MUC13: variants seen among roughly 807,000 people sequenced by gnomAD.
The protein encoded by MUC13 is mucin-13.
In MUC13, 32 loss-of-function variants were observed where a neutral mutation model predicts 48.3. The observed-to-expected ratio is 0.66, with a 90% CI of 0.50 to 0.89. The LOEUF (loss-of-function observed/expected upper bound fraction) is 0.89, where lower values mean the gene tolerates loss of function less well. Among genes scored for constraint, MUC13 ranks in the 40% least tolerant of loss-of-function variants. The probability of loss-of-function intolerance (pLI) is 0.00; values close to 1 mark genes in which losing one functional copy is unlikely to be tolerated. For synonymous variants in MUC13, 199 were observed against 224.9 expected, an observed-to-expected ratio of 0.88 and a Z score of 1.03; for missense variants, 571 against 622.8, an observed-to-expected ratio of 0.92 and a Z score of 0.88.
chr3:124,929,268 C>G (rs1032145068), intron 1 of MUC13, among the ~76,000 whole-genome samples: 14 of 151,618 alleles, frequency 9.2e-5, no homozygotes, highest in African/African-American at 2.9e-4. Context: ...GCTGAAACTC[C>G]TGGGCTCAAG....
chr3:124,914,715 T>C (rs1359533782), intron 6 of MUC13, among the ~76,000 whole-genome samples: 1 of 151,996 alleles, frequency 6.6e-6, no homozygotes, highest in Non-Finnish European at 1.5e-5. Flanking sequence ...TCACCTGAGG[T>C]CAGGAGTTCG....
intron 5 of MUC13, among the ~76,000 whole-genome samples, chr3:124,917,455 T>C (rs1337218534): frequency 6.6e-6 from 1 of 151,796 alleles, no homozygotes; most frequent in African/African-American, 2.4e-5. Flanking sequence ...CAGCTTATCC[T>C]GCCGCCTCAG....
intron 6 of MUC13, among the ~76,000 whole-genome samples, chr3:124,914,550 C>T (rs1451479550): frequency 6.6e-6 from 1 of 152,192 alleles, no homozygotes; most frequent in Non-Finnish European, 1.5e-5. Flanking sequence ...GAAAATGCCT[C>T]TGATTAAAAG....
intron 1 of MUC13, 45 bp from the exon 2 acceptor site, chr3:124,928,038 T>C (rs779008429): frequency 4.5e-6 from 6 of 1,320,640 alleles, no homozygotes; most frequent in Non-Finnish European, 6.2e-6. Flanking sequence ...GTACATTGAA[T>C]AACTAATGGC....
chr3:124,913,865 C>T (rs1344718926), intron 6 of MUC13, among the ~76,000 whole-genome samples, 184 bp from the exon 7 acceptor site: 1 of 152,018 alleles, frequency 6.6e-6, no homozygotes, highest in Non-Finnish European at 1.5e-5. Context: ...TCGTTTGAGC[C>T]TAGGAGTTCA....
At chr3:124,923,992 G>A (rs775487506) in intron 2 of MUC13, among the ~76,000 whole-genome samples, 3 of 152,090 alleles carry the variant, frequency 2.0e-5, no homozygotes, top group Non-Finnish European at 4.4e-5. Flanking sequence ...TTGAAGCATG[G>A]TCCTCTAACA....
rs1311214775 is a variant in MUC13, at chr3:124,920,028, G to T, written c.800+206C>A. The T allele has an allele frequency of 1.1e-5, 7 of 615,084 alleles. No individual in the cohort carries two copies. In the Admixed American group the frequency reaches 2.3e-4, roughly 21 times the overall value. 38.1% of individuals were successfully genotyped at this position (615,084 alleles called of 1,614,324 possible). ...CACAGACAGAATTTTGCCTTCCCCA[G>T]GCCATGCCCTGCCCAGAGTTGGGGT... On this transcript the variant is annotated intron_variant, in intron 5 of 11. Coordinates refer to ENST00000616727, the MANE Select transcript of MUC13 (RefSeq NM_033049.4).
intron 2 of MUC13, among the ~76,000 whole-genome samples, chr3:124,925,706 C>T (rs1935674233): frequency 6.6e-6 from 1 of 152,212 alleles, no homozygotes; most frequent in Admixed American, 6.5e-5. Context: ...CTCTGCCTCC[C>T]AGGCTTGAGT....
intron 10 of MUC13, among the ~76,000 whole-genome samples, chr3:124,909,723 A>G (rs1039250308): frequency 2.0e-5 from 3 of 152,300 alleles, no homozygotes; most frequent in Non-Finnish European, 4.4e-5. Flanking sequence ...CAGGGGGTTC[A>G]GTTGAGGTTG....
At position 124,913,487 on chromosome 3, in the gene MUC13, G is replaced by A. The variant is rs987674756; in HGVS notation, c.1084+75C>T. On this transcript the variant is annotated intron_variant, in intron 7 of 11. Coordinates refer to ENST00000616727, the MANE Select transcript of MUC13 (RefSeq NM_033049.4). ...TCTGAAATGCATGTGGAAACTAAAGGAGTGAATTTTTTATGTTGCAAAAGA... is the reference window on the plus strand; with the variant it reads ...TCTGAAATGCATGTGGAAACTAAAGAAGTGAATTTTTTATGTTGCAAAAGA... 20 of 1,604,122 alleles carry A rather than the reference G, an allele frequency of 1.2e-5. No homozygotes were observed. In the African/African-American group the frequency reaches 2.4e-4, roughly 19 times the overall value.
At chr3:124,918,954 A>G (rs1935549027) in intron 5 of MUC13, among the ~76,000 whole-genome samples, 1 of 152,186 alleles carries the variant, frequency 6.6e-6, no homozygotes, top group African/African-American at 2.4e-5. Flanking sequence ...ATTCAAGACC[A>G]AGCTAGAAAT....
chr3:124,926,507 C>A (rs1459121780), intron 2 of MUC13, among the ~76,000 whole-genome samples: 1 of 152,178 alleles, frequency 6.6e-6, no homozygotes, highest in Non-Finnish European at 1.5e-5. Flanking sequence ...GTCTTAGATA[C>A]AGCCTCTGGG....
chr3:124,930,921 C>T (rs896686009), intron 1 of MUC13, among the ~76,000 whole-genome samples: 2 of 152,192 alleles, frequency 1.3e-5, no homozygotes, highest in African/African-American at 4.8e-5. Flanking sequence ...CTTCAAATGT[C>T]ACTGGCACAT....
At chr3:124,925,607 T>C (rs1935672998) in intron 2 of MUC13, among the ~76,000 whole-genome samples, 1 of 152,190 alleles carries the variant, frequency 6.6e-6, no homozygotes. Context: ...GCTCTAAAAA[T>C]AAAGTTCATT....
intron 6 of MUC13, among the ~76,000 whole-genome samples, chr3:124,914,679 C>A (rs1010701479): frequency 1.3e-5 from 2 of 152,176 alleles, no homozygotes; most frequent in East Asian, 1.9e-4. Context: ...GTAATCCCAG[C>A]ACCTTGGGAG....
chr3:124,912,642 A>G (rs978620042), intron 8 of MUC13, among the ~76,000 whole-genome samples: 1 of 152,214 alleles, frequency 6.6e-6, no homozygotes, highest in African/African-American at 2.4e-5. Flanking sequence ...AGAATGCTCA[A>G]AAACTATTGA....
In MUC13 at chr3:124,922,220, A is replaced by C. The variant is rs774734340; in HGVS notation, c.721T>G (p.Leu241Val). The change falls in exon 4 of 12, where the codon TTG becomes GTG. Residue 241 changes from leucine to valine, a missense_variant. By Grantham distance (32) the Leu-to-Val change is conservative. Coordinates refer to ENST00000616727, the MANE Select transcript of MUC13 (RefSeq NM_033049.4). ...EEKHSMAYQD[L>V]HSEITSLFKD... ...ACCAAGCTAGTAATTTCACTATGCAAGTCTTGATAGGCCATGGAATGTTTC... is the reference window on the plus strand; with the variant it reads ...ACCAAGCTAGTAATTTCACTATGCACGTCTTGATAGGCCATGGAATGTTTC... 3.7e-6 allele frequency: 6 copies of C among 1,614,152 alleles called. No homozygotes were observed. Among genetic ancestry groups the C allele is most frequent in the Non-Finnish European group, 5.1e-6 (6 of 1,180,014 alleles).
rs746399345 is a variant in MUC13 at position 124,913,528 on chromosome 3, A to G, written c.1084+34T>C. On this transcript the variant is annotated intron_variant, in intron 7 of 11. Coordinates refer to ENST00000616727, the MANE Select transcript of MUC13 (RefSeq NM_033049.4). Reference sequence around the variant, plus strand: ...TTGCAAAAGAAGAGAAAGTGATGTTATGAAGAACATTTAGAAGCAGGTGAA... The same window carrying G: ...TTGCAAAAGAAGAGAAAGTGATGTTGTGAAGAACATTTAGAAGCAGGTGAA... 9.3e-6 allele frequency: 15 copies of G among 1,613,470 alleles called. No individual in the cohort carries two copies. In the South Asian group the frequency reaches 1.3e-4, roughly 14 times the overall value.
chr3:124,922,890 G>T (rs1022839387), intron 3 of MUC13, among the ~76,000 whole-genome samples: 3 of 152,108 alleles, frequency 2.0e-5, no homozygotes, highest in African/African-American at 7.2e-5. Context: ...AAAAGAAAAA[G>T]TTGCAATGAA....
Sources: allele counts gnomAD v4.1 joint callset (sites outside exome capture counted in the v4.1 genomes callset), GRCh38; gene constraint gnomAD v4.1.1; transcripts MANE v1.5; gene names NCBI Gene and HGNC (gene_info 2026-07-23, HGNC 2026-07-21).